The following CDKL1 variants were observed in gnomAD, a reference collection of about 807,000 sequenced individuals.
CDKL1 encodes cyclin-dependent kinase-like 1.
In CDKL1, 41 loss-of-function variants were observed where a neutral mutation model predicts 42.0. That is an observed-to-expected ratio of 0.98 (90% CI 0.76 to 1.27). The LOEUF is 1.27. CDKL1 is among the 50% of genes most tolerant of loss of function. CDKL1 has a pLI of 0.00. For synonymous variants in CDKL1, 153 were observed against 158.6 expected, an observed-to-expected ratio of 0.96 and a Z score of 0.26; for missense variants, 394 against 428.4, an observed-to-expected ratio of 0.92 and a Z score of 0.71.
At chr14:50,339,133 A>G in intron 6 of CDKL1, 104 bp from the exon 7 acceptor site, 12 of 802,152 alleles carry the variant, frequency 1.5e-5, no homozygotes, top group Non-Finnish European at 2.0e-5. Context: ...ATGCATGGAC[A>G]CTGCAGTGTT....
At chr14:50,335,920 A>AG (rs2033244429) in intron 7 of CDKL1, 1 of 1,287,972 alleles carries the variant, frequency 7.8e-7, no homozygotes, top group Non-Finnish European at 1.0e-6. Context: ...TGTCAACAGG[A>AG]GAAAAAAAAA....
Position 50,345,179 on chromosome 14 carries a change from A to G in CDKL1, c.291-121T>C, listed in dbSNP as rs552838326. On this transcript the variant is annotated intron_variant, in intron 3 of 9. Coordinates refer to ENST00000395834, the MANE Select transcript of CDKL1 (RefSeq NM_004196.7). ...GAAAAATCTTAGGTGACACATAGTC[A>G]TCTTACTCATCAATCATTCCATGAA... 22 of 751,082 alleles carry G rather than the reference A, an allele frequency of 2.9e-5. 1 individual carries two copies. The South Asian group carries it at 3.9e-4, about 13-fold the overall frequency. 46.5% of individuals were successfully genotyped at this position (751,082 alleles called of 1,614,324 possible).
chr14:50,344,839 C>T lies in CDKL1; in HGVS notation c.363+147G>A, dbSNP rs954214931. Reference sequence around the variant, plus strand: ...GAGCAAGAAGGAATAGCTAGGTTGGCATTTTTAGCCTATACTTACCCAACC... The same window carrying T: ...GAGCAAGAAGGAATAGCTAGGTTGGTATTTTTAGCCTATACTTACCCAACC... On this transcript the variant is annotated intron_variant, in intron 4 of 9. Coordinates refer to ENST00000395834, the MANE Select transcript of CDKL1 (RefSeq NM_004196.7). 2.1e-4 allele frequency: 123 copies of T among 596,166 alleles called. 1 individual carries two copies. Among genetic ancestry groups the T allele is most frequent in the African/African-American group, 2.0e-3 (108 of 52,952 alleles). 36.9% of individuals were successfully genotyped at this position (596,166 alleles called of 1,614,324 possible). A position where few individuals can be genotyped will look rare whatever the true frequency, so the allele number is the denominator to read the frequency against.
chr14:50,368,866 CTT>C (rs546628912), intron 2 of CDKL1, among the ~76,000 whole-genome samples: 49 of 130,942 alleles, frequency 3.7e-4, no homozygotes, highest in Admixed American at 4.8e-4. Flanking sequence ...AGTTGCCAAC[CTT>C]TTTTTTTTTT....
chr14:50,378,094 C>A, intron 2 of CDKL1: 1 of 1,220,528 alleles, frequency 8.2e-7, no homozygotes, highest in Non-Finnish European at 1.1e-6. Flanking sequence ...GCCTGAGAAT[C>A]TGAAATTCTC....
rs534274269 is a variant in CDKL1, at chr14:50,328,562, A to G, written c.*1512T>C. 6.6e-6 allele frequency: 1 copy of G among 152,304 alleles called. No homozygotes were observed. The highest frequency in any genetic ancestry group is 1.5e-5 in the Non-Finnish European group (1 of 68,018). 9.4% of individuals were successfully genotyped at this position (152,304 alleles called of 1,614,324 possible). ...AGACCATGGCTGAGAAGTGCTAGGA[A>G]TAGTGGCAGCACATCAACCAGAAAT... On this transcript the variant is annotated 3_prime_UTR_variant, in exon 10 of 10. Coordinates refer to ENST00000395834, the MANE Select transcript of CDKL1 (RefSeq NM_004196.7).
At chr14:50,379,632 C>T (rs2139512192) in intron 2 of CDKL1, among the ~76,000 whole-genome samples, 1 of 152,230 alleles carries the variant, frequency 6.6e-6, no homozygotes, top group Admixed American at 6.5e-5. Context: ...ACAGGAATGC[C>T]ATGGAGTTCC....
intron 3 of CDKL1, among the ~76,000 whole-genome samples, chr14:50,353,520 T>C (rs1363032716): frequency 5.6e-5 from 5 of 89,032 alleles, no homozygotes; most frequent in African/African-American, 8.6e-5. Flanking sequence ...AAAAAGAATA[T>C]ATTACTAAGA....
intron 2 of CDKL1, among the ~76,000 whole-genome samples, chr14:50,365,052 G>T (rs1271573688): frequency 2.0e-5 from 3 of 152,190 alleles, no homozygotes; most frequent in African/African-American, 7.2e-5. Context: ...CTTTGAGGAA[G>T]TGGCCATTAA....
At chr14:50,378,076 G>C in intron 2 of CDKL1, 1 of 1,107,864 alleles carries the variant, frequency 9.0e-7, no homozygotes, top group Non-Finnish European at 1.2e-6. Context: ...GGACATCTAC[G>C]AGAAAGAGCC....
chr14:50,352,542 G>C (rs1336156283), intron 3 of CDKL1, among the ~76,000 whole-genome samples: 1 of 152,014 alleles, frequency 6.6e-6, no homozygotes, highest in Non-Finnish European at 1.5e-5. Flanking sequence ...GGAATGGTGA[G>C]ACATAATAAA....
chr14:50,373,375 G>C (rs957943146), intron 2 of CDKL1, among the ~76,000 whole-genome samples: 6 of 152,222 alleles, frequency 3.9e-5, no homozygotes, highest in African/African-American at 7.2e-5. Context: ...AAGATGCTCA[G>C]TCTCACTGGT....
chr14:50,332,627 T>C (rs1020571835), intron 8 of CDKL1, 195 bp from the exon 9 acceptor site: 9 of 1,513,686 alleles, frequency 5.9e-6, no homozygotes, highest in Admixed American at 5.9e-5. Context: ...AAATAGTTTC[T>C]AGAAGTAGTA....
At chr14:50,335,346 A>G in intron 7 of CDKL1, 1 of 631,338 alleles carries the variant, frequency 1.6e-6, no homozygotes, top group Middle Eastern at 4.5e-4. Flanking sequence ...AATTATATAA[A>G]GGGAGCTGCA....
chr14:50,342,378 ACCATG>A, intron 4 of CDKL1, 156 bp from the exon 5 acceptor site: 1 of 1,414,424 alleles, frequency 7.1e-7, no homozygotes, highest in South Asian at 1.6e-5. Flanking sequence ...TAAATCTAGT[ACCATG>A]CCTGTCAGAG....
intron 1 of CDKL1, 42 bp from the exon 2 acceptor site, chr14:50,396,371 C>G (rs1342446865): frequency 1.0e-6 from 1 of 985,614 alleles, no homozygotes; most frequent in East Asian, 1.1e-4. Context: ...AGAGTGTACC[C>G]GTGTCGGCAA....
At chr14:50,343,330 G>C (rs1372116557) in intron 4 of CDKL1, among the ~76,000 whole-genome samples, 2 of 151,982 alleles carry the variant, frequency 1.3e-5, no homozygotes, top group Non-Finnish European at 2.9e-5. Context: ...ATCTGGAGAG[G>C]ACTTGGGTTC....
At chr14:50,373,681 T>C (rs1196645114) in intron 2 of CDKL1, among the ~76,000 whole-genome samples, 4 of 152,206 alleles carry the variant, frequency 2.6e-5, no homozygotes, top group Non-Finnish European at 5.9e-5. Flanking sequence ...ATGATTAACA[T>C]CTTTTGTCAT....
At chr14:50,364,481 T>C (rs61981898) in intron 2 of CDKL1, among the ~76,000 whole-genome samples, 2 of 152,176 alleles carry the variant, frequency 1.3e-5, no homozygotes, top group Admixed American at 6.5e-5. Context: ...AATAAATAAA[T>C]AAATTTATTT....
Sources: gnomAD v4.1 joint callset for allele counts (sites outside exome capture counted in the v4.1 genomes callset) on GRCh38, gnomAD v4.1.1 for gene constraint, MANE v1.5 for transcripts, NCBI Gene and HGNC (gene_info 2026-07-23, HGNC 2026-07-21) for gene names.